Variants in FOXN2 observed in about 807,000 individuals in gnomAD.
The protein encoded by FOXN2 is forkhead box N2.
A neutral mutation model predicts 41.2 loss-of-function variants in FOXN2; 19 were observed. The ratio of observed to expected loss-of-function variants is 0.46; its 90% CI spans 0.32 to 0.68. FOXN2 has a LOEUF of 0.68. FOXN2 is among the 30% of genes least tolerant of loss of function. The pLI is 0.03. For missense variants in FOXN2, 587 were observed against 509.4 expected, an observed-to-expected ratio of 1.15 and a Z score of -1.47; for synonymous variants, 195 against 176.8, an observed-to-expected ratio of 1.10 and a Z score of -0.82.
intron 3 of FOXN2, among the ~76,000 whole-genome samples, chr2:48,357,986 G>C (rs1671918227): frequency 6.6e-6 from 1 of 151,702 alleles, no homozygotes; most frequent in South Asian, 2.1e-4. Context: ...CTTTATGATA[G>C]TGTGATATGA....
intron 2 of FOXN2, among the ~76,000 whole-genome samples, chr2:48,333,716 TCCAGAAG>T (rs112325795): frequency 7.9e-5 from 12 of 152,278 alleles, no homozygotes; most frequent in African/African-American, 2.6e-4. Flanking sequence ...TCCAAAATGC[TCCAGAAG>T]CCAAAAGTTT....
intron 1 of FOXN2, among the ~76,000 whole-genome samples, chr2:48,323,427 C>A (rs1669467269): frequency 6.6e-6 from 1 of 152,092 alleles, no homozygotes; most frequent in Non-Finnish European, 1.5e-5. Context: ...TTAAATAGCT[C>A]TTCTGACTGG....
At position 48,378,888 on chromosome 2, in the gene FOXN2, G is replaced by C. The variant is rs1172891255; in HGVS notation, c.*3445G>C. 6.6e-6 allele frequency: 1 copy of C among 152,162 alleles called. No homozygotes were observed. The highest frequency in any genetic ancestry group is 1.5e-5 in the Non-Finnish European group (1 of 67,918). 9.4% of individuals were successfully genotyped at this position (152,162 alleles called of 1,614,324 possible). A position where few individuals can be genotyped will look rare whatever the true frequency, so the allele number is the denominator to read the frequency against. On this transcript the variant is annotated 3_prime_UTR_variant, in exon 7 of 7. Transcript: ENST00000340553. The stretch of plus-strand genomic sequence containing the variant: ...GTCAAAACTTATTTTTTAAATCGTT[G>C]TACATTTCTTATTAAACTAAGTGCT...
At chr2:48,351,977 T>C (rs1490626864) in intron 3 of FOXN2, among the ~76,000 whole-genome samples, 6 of 152,154 alleles carry the variant, frequency 3.9e-5, no homozygotes, top group African/African-American at 1.4e-4. Flanking sequence ...TGGTGAGGAA[T>C]GTACGAGAGC....
chr2:48,335,812 G>A (rs2104276270), intron 2 of FOXN2, among the ~76,000 whole-genome samples: 1 of 151,786 alleles, frequency 6.6e-6, no homozygotes, highest in South Asian at 2.1e-4. Context: ...CGGATCATGA[G>A]GTCAGGAAAT....
chr2:48,343,866 TA>T (rs1490004552), intron 2 of FOXN2, among the ~76,000 whole-genome samples: 1 of 152,194 alleles, frequency 6.6e-6, no homozygotes, highest in Admixed American at 6.5e-5. Flanking sequence ...TGATGCATTT[TA>T]AAGCCTATGA....
chr2:48,334,992 T>G (rs1383833719), intron 2 of FOXN2, among the ~76,000 whole-genome samples: 1 of 152,220 alleles, frequency 6.6e-6, no homozygotes, highest in Admixed American at 6.5e-5. Context: ...GATCCTGGGC[T>G]GTTACTACTC....
chr2:48,358,860 G>A (rs969287275), intron 3 of FOXN2, among the ~76,000 whole-genome samples, 187 bp from the exon 4 acceptor site: 1 of 141,156 alleles, frequency 7.1e-6, no homozygotes, highest in African/African-American at 2.6e-5. Context: ...ATTAGAGGAA[G>A]TTTTGTACAT....
chr2:48,329,885 A>G (rs1669923496), intron 2 of FOXN2, among the ~76,000 whole-genome samples: 1 of 151,742 alleles, frequency 6.6e-6, no homozygotes, highest in Admixed American at 6.6e-5. Flanking sequence ...ATATTCTGAG[A>G]TTATAGAATA....
chr2:48,344,037 G>A (rs912273165), intron 2 of FOXN2, among the ~76,000 whole-genome samples: 2 of 152,118 alleles, frequency 1.3e-5, no homozygotes, highest in African/African-American at 4.8e-5. Context: ...TGAACACTGG[G>A]TACACTAAAG....
At chr2:48,338,643 C>T (rs112812021) in intron 2 of FOXN2, among the ~76,000 whole-genome samples, 47,397 of 151,870 alleles carry the variant, frequency 0.31, 8,080 homozygotes, top group East Asian at 0.52. Context: ...TCATGATCCG[C>T]CCGCCTCTGC....
At chr2:48,345,435 A>G (rs544799165) in intron 2 of FOXN2, among the ~76,000 whole-genome samples, 1 of 152,264 alleles carries the variant, frequency 6.6e-6, no homozygotes, top group South Asian at 2.1e-4. Flanking sequence ...ATTGCATAGC[A>G]TGATGACTGT....
chr2:48,317,185 G>A (rs183614603), intron 1 of FOXN2, among the ~76,000 whole-genome samples: 2 of 152,034 alleles, frequency 1.3e-5, no homozygotes, highest in Non-Finnish European at 2.9e-5. Context: ...TGCTCAACTC[G>A]TGCCTGTAAT....
chr2:48,334,197 A>C (rs780212908), intron 2 of FOXN2, among the ~76,000 whole-genome samples: 9 of 152,210 alleles, frequency 5.9e-5, no homozygotes, highest in Non-Finnish European at 1.0e-4. Flanking sequence ...CTTTAAAAAT[A>C]TCTCTCACTT....
At chr2:48,370,404 CTCT>C (rs1672812536) in intron 5 of FOXN2, among the ~76,000 whole-genome samples, 1 of 152,158 alleles carries the variant, frequency 6.6e-6, no homozygotes, top group African/African-American at 2.4e-5. Flanking sequence ...TTTGTACTTG[CTCT>C]TCTTTCTGCC....
chr2:48,370,709 C>T (rs1219799282), intron 5 of FOXN2, among the ~76,000 whole-genome samples: 2 of 151,912 alleles, frequency 1.3e-5, no homozygotes, highest in East Asian at 3.9e-4. Context: ...GATGTTAATC[C>T]CCTGTCAGAT....
chr2:48,334,815 G>A (rs895046264), intron 2 of FOXN2, among the ~76,000 whole-genome samples: 2 of 152,124 alleles, frequency 1.3e-5, no homozygotes, highest in African/African-American at 4.8e-5. Flanking sequence ...CTTTATAAGA[G>A]TGATATAGAA....
intron 5 of FOXN2, among the ~76,000 whole-genome samples, chr2:48,370,723 T>C (rs1324005068): frequency 6.6e-6 from 1 of 152,130 alleles, no homozygotes; most frequent in Non-Finnish European, 1.5e-5. Context: ...GTCAGATGAG[T>C]AGTTTGCATA....
At chr2:48,338,313 A>T (rs980891316) in intron 2 of FOXN2, among the ~76,000 whole-genome samples, 3 of 152,214 alleles carry the variant, frequency 2.0e-5, no homozygotes, top group Non-Finnish European at 4.4e-5. Flanking sequence ...GGCCCAGATA[A>T]AAGGCCTTGC....
Sources: gnomAD v4.1 joint callset for allele counts (sites outside exome capture counted in the v4.1 genomes callset) on GRCh38, gnomAD v4.1.1 for gene constraint, MANE v1.5 for transcripts, NCBI Gene and HGNC (gene_info 2026-07-23, HGNC 2026-07-21) for gene names.